Variants in NR1I3 observed in about 807,000 individuals in gnomAD.
NR1I3 encodes the protein nuclear receptor subfamily 1 group I member 3, also known as constitutive activator of retinoid response.
In NR1I3, 30 loss-of-function variants were observed where a neutral mutation model predicts 38.4. The ratio of observed to expected loss-of-function variants is 0.78; its 90% CI spans 0.58 to 1.06. NR1I3 has a LOEUF of 1.06. Ranked by LOEUF, NR1I3 falls within the 50% of genes least tolerant of loss-of-function variation. NR1I3 has a pLI of 0.00. For missense variants in NR1I3, 388 were observed against 435.7 expected (o/e 0.89, Z 0.97); for synonymous variants, 143 against 165.1 (o/e 0.87, Z 1.03).
chr1:161,231,095 C>G (rs770220509), intron 7 of NR1I3, 22 bp downstream of exon 7: 3 of 1,614,090 alleles, frequency 1.9e-6, no homozygotes, highest in Non-Finnish European at 2.5e-6. Context: ...GCAAAAGGCT[C>G]TGGGCTTTGG....
intron 3 of NR1I3, among the ~76,000 whole-genome samples, chr1:161,233,887 G>GTGTGTGTATA (rs1412063883): frequency 9.9e-6 from 1 of 100,594 alleles, no homozygotes; most frequent in Admixed American, 1.0e-4. Flanking sequence ...GTGTGTGTGT[G>GTGTGTGTATA]TATATGTGTG....
intron 7 of NR1I3, 84 bp downstream of exon 7, chr1:161,231,033 A>G: frequency 6.2e-7 from 1 of 1,613,420 alleles, no homozygotes; most frequent in Non-Finnish European, 8.5e-7. Context: ...CTAGGCTAGA[A>G]GGCCTGGGTG....
intron 1 of NR1I3, among the ~76,000 whole-genome samples, chr1:161,236,918 T>A (rs537248738): frequency 2.6e-5 from 4 of 151,418 alleles, no homozygotes; most frequent in Middle Eastern, 3.4e-3. Context: ...TTTATTTATT[T>A]TTTTTGTAGA....
chr1:161,238,197 G>T lies in NR1I3; in HGVS notation c.-190C>A. The stretch of plus-strand genomic sequence containing the variant: ...GACCCGTAGTATCTGGAAAACAAGA[G>T]ATGTCTGTTTTATGTGGCCTCCAGT... On this transcript the variant is annotated 5_prime_UTR_variant, in exon 1 of 9. Coordinates refer to ENST00000367983, the MANE Select transcript of NR1I3 (RefSeq NM_005122.5). 2.6e-6 allele frequency: 4 copies of T among 1,536,000 alleles called. No homozygotes were observed. In the African/African-American group the frequency reaches 5.4e-5, roughly 21 times the overall value.
rs931891347 is a variant in NR1I3 at position 161,229,740 on chromosome 1, C to T, written c.*57G>A. The T allele has an allele frequency of 6.2e-7, 1 of 1,614,086 alleles. No homozygotes were observed. Among genetic ancestry groups the T allele is most frequent in the African/African-American group, 1.3e-5 (1 of 74,926 alleles). ...CCCAATCTTTGGTCCCAGCATTTTC[C>T]CACTCCAGTGTATCCAGGGTGTTCC... On this transcript the variant is annotated 3_prime_UTR_variant, in exon 9 of 9. Coordinates refer to ENST00000367983, the MANE Select transcript of NR1I3 (RefSeq NM_005122.5).
chr1:161,230,174 G>T (rs1666831127), intron 8 of NR1I3: 2 of 491,556 alleles, frequency 4.1e-6, no homozygotes, highest in Non-Finnish European at 3.6e-6. Context: ...AGCCGAGTGT[G>T]AAGAAAGCTC....
intron 8 of NR1I3, chr1:161,230,572 T>C (rs1275208900): frequency 6.8e-6 from 4 of 590,666 alleles, no homozygotes; most frequent in Non-Finnish European, 1.2e-5. Flanking sequence ...GCTACTACTT[T>C]GCATCTGTAC....
At chr1:161,234,172 T>C (rs1443175330) in intron 3 of NR1I3, among the ~76,000 whole-genome samples, 4 of 151,230 alleles carry the variant, frequency 2.6e-5, no homozygotes, top group Non-Finnish European at 4.4e-5. Flanking sequence ...TTTTTTTTTT[T>C]TTGTATTTTT....
Position 161,231,147 on chromosome 1 carries a change from G to C in NR1I3, c.781C>G (p.Leu261Val), listed in dbSNP as rs760698101. Residue 261 changes from leucine (L) to valine (V), a missense_variant, in exon 7 of 9, where the codon CTC becomes GTC. Leu to Val is a conservative substitution (Grantham distance 32). Coordinates refer to ENST00000367983, the MANE Select transcript of NR1I3 (RefSeq NM_005122.5). Reference sequence around the variant, plus strand: ...GAGAAGAGGGCCATGGCAGCCAAGAGCACATACTCAGGCTCTTGGAGCTGC... The same window carrying C: ...GAGAAGAGGGCCATGGCAGCCAAGACCACATACTCAGGCTCTTGGAGCTGC... ...KLQLQEPEYVLLAAMALFSPD... is the reference protein window; with the variant it reads ...KLQLQEPEYVVLAAMALFSPD... 2 of 1,614,040 alleles carry C rather than the reference G, an allele frequency of 1.2e-6. No individual in the cohort carries two copies. The highest frequency in any genetic ancestry group is 4.5e-5 in the East Asian group (2 of 44,896).
chr1:161,235,629 G>T, intron 3 of NR1I3: 1 of 486,816 alleles, frequency 2.1e-6, no homozygotes, highest in Non-Finnish European at 3.7e-6. Flanking sequence ...AAAGGGGGAA[G>T]AGTATGAAAT....
At chr1:161,233,435 A>C in intron 3 of NR1I3, 97 bp from the exon 4 acceptor site, 1 of 1,322,916 alleles carries the variant, frequency 7.6e-7, no homozygotes, top group Non-Finnish European at 1.1e-6. Context: ...GCCCTGCACA[A>C]CGAAGGATGG....
chr1:161,231,765 G>A (rs1345878351), intron 5 of NR1I3, among the ~76,000 whole-genome samples: 1 of 152,094 alleles, frequency 6.6e-6, no homozygotes, highest in African/African-American at 2.4e-5. Flanking sequence ...ACCTCTCAAA[G>A]TGCTGGGATT....
intron 5 of NR1I3, 29 bp downstream of exon 5, chr1:161,232,778 C>T: frequency 6.2e-7 from 1 of 1,612,170 alleles, no homozygotes; most frequent in South Asian, 1.1e-5. Flanking sequence ...AAGTGTTTGC[C>T]TCCTGAAAGA....
chr1:161,231,597 T>C, intron 5 of NR1I3, 123 bp from the exon 6 acceptor site: 1 of 914,842 alleles, frequency 1.1e-6, no homozygotes, highest in Non-Finnish European at 1.6e-6. Context: ...GCCTCCTGGG[T>C]TCAAGCAATT....
At chr1:161,235,072 C>T (rs547044188) in intron 3 of NR1I3, among the ~76,000 whole-genome samples, 1 of 151,458 alleles carries the variant, frequency 6.6e-6, no homozygotes, top group African/African-American at 2.4e-5. Context: ...ACGCAGGAGG[C>T]GGAGGTTGCA....
Position 161,233,114 on chromosome 1 carries a change from G to A in NR1I3, c.408+55C>T, listed in dbSNP as rs1667718662. ...GCATACACCCCTCTCCTTCAGACCA[G>A]CATTTTTGGGTGCCCTTTTAGTTGT... On this transcript the variant is annotated intron_variant, in intron 4 of 8. Transcript: ENST00000367983. 8.8e-6 allele frequency: 14 copies of A among 1,598,714 alleles called. No homozygotes were observed. The East Asian group carries it at 2.9e-4, about 33-fold the overall frequency.
At chr1:161,230,195 C>CG in intron 8 of NR1I3, 1 of 457,778 alleles carries the variant, frequency 2.2e-6, no homozygotes. Flanking sequence ...CAGACTTGGC[C>CG]AGAACTCCAA....
chr1:161,233,837 ATGTGTGTGTGTGTGTGTG>A (rs761756944), intron 3 of NR1I3, among the ~76,000 whole-genome samples: 22 of 118,588 alleles, frequency 1.9e-4, no homozygotes, highest in East Asian at 9.1e-4. Flanking sequence ...TCATATATAT[ATGTGTGTGTGTGTGTGTG>A]TGTGTGTGTG....
At chr1:161,236,654 C>G (rs543066695) in intron 1 of NR1I3, 56 bp from the exon 2 acceptor site, 2 of 1,572,014 alleles carry the variant, frequency 1.3e-6, no homozygotes, top group African/African-American at 2.7e-5. Context: ...CCTTTTCTGT[C>G]CCTTCTAGAG....
Sources: allele counts gnomAD v4.1 joint callset (sites outside exome capture counted in the v4.1 genomes callset), GRCh38; gene constraint gnomAD v4.1.1; transcripts MANE v1.5; gene names NCBI Gene and HGNC (gene_info 2026-07-23, HGNC 2026-07-21).